Variants in PXDN observed in about 807,000 individuals in gnomAD.
PXDN encodes peroxidasin homolog.
Under a neutral mutation model 140.3 loss-of-function variants are expected in PXDN, and 77 were observed. The ratio of observed to expected loss-of-function variants is 0.55; its 90% confidence interval spans 0.46 to 0.66. PXDN has a LOEUF of 0.66. PXDN is among the 30% of genes least tolerant of loss of function. PXDN has a pLI of 0.00. For synonymous variants in PXDN, 911 were observed against 857.4 expected, an observed-to-expected ratio of 1.06 and a Z score of -1.09; for missense variants, 1,838 against 2,039.5, an observed-to-expected ratio of 0.90 and a Z score of 1.90.
intron 1 of PXDN, among the ~76,000 whole-genome samples, chr2:1,725,894 G>T (rs2125485151): frequency 6.6e-6 from 1 of 151,938 alleles, no homozygotes; most frequent in South Asian, 2.1e-4. Context: ...TCTCCCACCA[G>T]TTAGAATGGC....
intron 1 of PXDN, among the ~76,000 whole-genome samples, chr2:1,733,515 G>T (rs956901814): frequency 6.6e-6 from 1 of 152,166 alleles, no homozygotes; most frequent in Non-Finnish European, 1.5e-5. Context: ...GCCGAGGCGG[G>T]TGAATCACCT....
At chr2:1,658,037 T>TCGCTCTCG (rs1384123605) in intron 14 of PXDN, among the ~76,000 whole-genome samples, 1 of 20,680 alleles carries the variant, frequency 4.8e-5, no homozygotes, top group African/African-American at 1.8e-4. Flanking sequence ...GCTCTCTCTC[T>TCGCTCTCG]CTCTCTCTCT....
At chr2:1,664,672 G>A in intron 11 of PXDN, 1 of 394,492 alleles carries the variant, frequency 2.5e-6, no homozygotes, top group Non-Finnish European at 4.6e-6. Flanking sequence ...TCTGAAACAA[G>A]GCAGGTGTGA....
intron 14 of PXDN, among the ~76,000 whole-genome samples, chr2:1,658,092 CTGTT>C (rs1190448834): frequency 2.3e-5 from 3 of 127,778 alleles, no homozygotes; most frequent in Non-Finnish European, 3.3e-5. Context: ...CTCTCTCTCT[CTGTT>C]ACAGTGTCTG....
At chr2:1,686,269 G>C (rs1437301628) in intron 4 of PXDN, among the ~76,000 whole-genome samples, 1 of 152,156 alleles carries the variant, frequency 6.6e-6, no homozygotes, top group African/African-American at 2.4e-5. Context: ...TTAACGAATG[G>C]AACCCAAGCT....
At position 1,687,727 on chromosome 2, in the gene PXDN, C is replaced by T. The variant is rs1342298742; in HGVS notation, c.345-24G>A. On this transcript the variant is annotated intron_variant, in intron 3 of 22. Transcript: ENST00000252804. The surrounding 1 kb of genome is among the most constrained non-coding windows in gnomAD (Gnocchi z 4.0). The stretch of plus-strand genomic sequence containing the variant: ...AGCTGAAACAAGAAACATTGGGGAG[C>T]ATTAGCACACAGACAGGAGGTCAAA... 6 of 1,469,038 alleles carry T rather than the reference C, an allele frequency of 4.1e-6. No homozygotes were observed. The highest frequency in any genetic ancestry group is 4.7e-6 in the Non-Finnish European group (5 of 1,059,034). The allele number at this position is 1,469,038 out of a possible 1,614,324, so 91.0% of individuals were successfully genotyped here.
In PXDN at chr2:1,720,720, T is replaced by TCA. The variant is rs1239770052; in HGVS notation, c.200+23535_200+23536insTG. Among the ~76,000 whole-genome samples the TCA allele has an allele frequency of 6.8e-3, 172 of 25,432 alleles. 1 individual carries two copies. The highest frequency in any genetic ancestry group is 0.012 in the African/African-American group (166 of 13,364). 16.7% of individuals were successfully genotyped at this position (25,432 alleles called of 152,430 possible). On this transcript the variant is annotated intron_variant, in intron 1 of 22. Coordinates refer to ENST00000252804, the MANE Select transcript of PXDN (RefSeq NM_012293.3). ...CTCTGCATCTCTTTCTCTCTCTCTCTCTCTCACACACACACACACACACAC... is the reference window on the plus strand; with the variant it reads ...CTCTGCATCTCTTTCTCTCTCTCTCTCACTCTCACACACACACACACACACAC...
At chr2:1,732,158 C>T (rs1031298434) in intron 1 of PXDN, among the ~76,000 whole-genome samples, 2 of 152,128 alleles carry the variant, frequency 1.3e-5, no homozygotes, top group African/African-American at 2.4e-5. Flanking sequence ...AGCACTGATC[C>T]GTGTGATGGA....
intron 4 of PXDN, among the ~76,000 whole-genome samples, chr2:1,686,443 T>G (rs1212481271): frequency 6.6e-6 from 1 of 151,992 alleles, no homozygotes; most frequent in Non-Finnish European, 1.5e-5. Flanking sequence ...GCCCTTTCCT[T>G]CCTTAAAAAT....
chr2:1,634,442 C>T, intron 22 of PXDN, 119 bp from the exon 23 acceptor site: 1 of 1,265,988 alleles, frequency 7.9e-7, no homozygotes, highest in East Asian at 2.6e-5. Context: ...GCCCTGAGGC[C>T]CCTGCCTTGC....
intron 3 of PXDN, among the ~76,000 whole-genome samples, chr2:1,690,922 C>T (rs1185540906): frequency 6.6e-6 from 1 of 152,096 alleles, no homozygotes; most frequent in Non-Finnish European, 1.5e-5. Context: ...TATACATCAA[C>T]AATAACAAGA....
chr2:1,708,533 C>A (rs1480450993), intron 1 of PXDN, among the ~76,000 whole-genome samples: 1 of 152,172 alleles, frequency 6.6e-6, no homozygotes, highest in Non-Finnish European at 1.5e-5. Flanking sequence ...TTTACAGAGG[C>A]AGAAACAGAG....
At chr2:1,734,171 A>G (rs1685378464) in intron 1 of PXDN, among the ~76,000 whole-genome samples, 1 of 152,248 alleles carries the variant, frequency 6.6e-6, no homozygotes, top group Non-Finnish European at 1.5e-5. Context: ...CACTGAAATA[A>G]GTTAAAAATT....
At chr2:1,675,854 A>AGTTGTGAG (rs1683693203) in intron 8 of PXDN, among the ~76,000 whole-genome samples, 5 of 150,286 alleles carry the variant, frequency 3.3e-5, no homozygotes, top group African/African-American at 1.2e-4. Context: ...CACATCTCAG[A>AGTTGTGAG]CGCATCCCTC....
chr2:1,680,292 C>A lies in PXDN; in HGVS notation c.631G>T (p.Ala211Ser), dbSNP rs748030944. 1 of 1,613,992 alleles carries A rather than the reference C, an allele frequency of 6.2e-7. No individual in the cohort carries two copies. Among genetic ancestry groups the A allele is most frequent in the African/African-American group, 1.3e-5 (1 of 75,036 alleles). ...LWLADLLKTYAESGNAQAAAI... is the reference protein window; with the variant it reads ...LWLADLLKTYSESGNAQAAAI... Reference sequence around the variant, plus strand: ...GCTGCCTGCGCGTTCCCCGACTCCGCGTAGGTTTTCAGCAAATCCGCCAAC... The same window carrying A: ...GCTGCCTGCGCGTTCCCCGACTCCGAGTAGGTTTTCAGCAAATCCGCCAAC... The change falls in exon 7 of 23, where the codon GCG (alanine) becomes TCG (serine). Residue 211 changes from alanine to serine, a missense_variant. By Grantham distance (99) the Ala-to-Ser change is moderately conservative (BLOSUM62 1). Transcript: ENST00000252804.
intron 1 of PXDN, among the ~76,000 whole-genome samples, chr2:1,723,196 T>C (rs1294279992): frequency 1.3e-5 from 2 of 151,824 alleles, no homozygotes; most frequent in Non-Finnish European, 2.9e-5. Flanking sequence ...GACAGATGGA[T>C]GAATGAATTA....
At chr2:1,720,002 G>A (rs1430686075) in intron 1 of PXDN, among the ~76,000 whole-genome samples, 1 of 49,552 alleles carries the variant, frequency 2.0e-5, no homozygotes, top group Non-Finnish European at 4.0e-5. Flanking sequence ...GAGAGAGGGA[G>A]GGGAGGGATG....
intron 1 of PXDN, among the ~76,000 whole-genome samples, chr2:1,735,711 G>A (rs186125898): frequency 1.3e-5 from 2 of 152,270 alleles, no homozygotes; most frequent in Admixed American, 1.3e-4. Context: ...AAGACCCTAG[G>A]GTTGGGGAAT....
rs1558491837 is a variant in PXDN at position 1,653,804 on chromosome 2, G to GA, written c.1947-20dup. 9 of 1,533,092 alleles carry GA rather than the reference G, an allele frequency of 5.9e-6. 1 individual carries two copies. 95.0% of individuals were successfully genotyped at this position (1,533,092 alleles called of 1,614,324 possible). A position where few individuals can be genotyped will look rare whatever the true frequency, so the allele number is the denominator to read the frequency against. Reference sequence around the variant, plus strand: ...AGGACGGCTAACCAGAGTTTAGGGGGAAGAAAGGAAGAATGAAACAAATTA... The same window carrying GA: ...AGGACGGCTAACCAGAGTTTAGGGGGAAAGAAAGGAAGAATGAAACAAATTA... On this transcript the variant is annotated intron_variant, in intron 15 of 22. Transcript: ENST00000252804.
Sources: gnomAD v4.1 joint callset for allele counts (sites outside exome capture counted in the v4.1 genomes callset) on GRCh38, gnomAD v4.1.1 for gene constraint, Gnocchi (gnomAD v3.1) non-coding constraint, MANE v1.5 for transcripts, NCBI Gene and HGNC (gene_info 2026-07-23, HGNC 2026-07-21) for gene names.